The following LEPROTL1 variants were observed in gnomAD, a reference collection of about 807,000 sequenced individuals.
LEPROTL1 encodes leptin receptor overlapping transcript-like 1.
A neutral mutation model predicts 15.4 loss-of-function variants in LEPROTL1; 6 were observed. The observed-to-expected ratio is 0.39, with a 90% confidence interval of 0.21 to 0.77. The LOEUF (loss-of-function observed/expected upper bound fraction) is 0.77. Among genes scored for constraint, LEPROTL1 ranks in the 30% least tolerant of loss-of-function variants. The pLI is 0.41. For synonymous variants in LEPROTL1, 56 were observed against 52.6 expected (o/e 1.06, Z -0.28); for missense variants, 128 against 158.1 (o/e 0.81, Z 1.02).
intron 3 of LEPROTL1, 72 bp from the exon 4 acceptor site, chr8:30,105,674 G>A: frequency 6.0e-6 from 8 of 1,322,934 alleles, no homozygotes; most frequent in African/African-American, 1.5e-5. Context: ...GATACAACTA[G>A]AGCCTTGATT....
intron 3 of LEPROTL1, among the ~76,000 whole-genome samples, chr8:30,126,846 T>A (rs913822227): frequency 6.6e-5 from 10 of 152,186 alleles, no homozygotes; most frequent in African/African-American, 2.4e-4. Context: ...AAGACCATCC[T>A]GGCCATCATG....
chr8:30,135,854 C>T (rs906368109), intron 4 of LEPROTL1, among the ~76,000 whole-genome samples: 26 of 146,628 alleles, frequency 1.8e-4, no homozygotes, highest in African/African-American at 6.3e-4. Flanking sequence ...GTCGAGGCTG[C>T]AGTGAGCCAT....
chr8:30,115,356 TAA>T (rs58260284), intron 3 of LEPROTL1, among the ~76,000 whole-genome samples: 16 of 149,776 alleles, frequency 1.1e-4, no homozygotes, highest in South Asian at 4.2e-4. Context: ...GACCCCATCT[TAA>T]AAAAAAAAAT....
At chr8:30,099,468 G>T (rs1802425926) in intron 1 of LEPROTL1, among the ~76,000 whole-genome samples, 2 of 120,808 alleles carry the variant, frequency 1.7e-5, no homozygotes, top group Admixed American at 1.9e-4. Flanking sequence ...AGGCATGGTG[G>T]TGCACAGCTG....
rs1013593506 is a variant in LEPROTL1, at chr8:30,106,009, A to G, written c.*147A>G. The G allele has an allele frequency of 4.0e-5, 50 of 1,243,790 alleles. No homozygotes were observed. The East Asian group carries it at 1.5e-3, about 38-fold the overall frequency. 77.0% of individuals were successfully genotyped at this position (1,243,790 alleles called of 1,614,324 possible). On this transcript the variant is annotated 3_prime_UTR_variant, in exon 4 of 4. Transcript: ENST00000321250. ...CTCCCTTCTCACTTTTATTGTAAGC[A>G]TACTATTTTCACAGAGACTTGCTGA... is the stretch of plus-strand genomic sequence containing the variant.
chr8:30,109,702 A>G (rs1802627010), downstream of LEPROTL1, among the ~76,000 whole-genome samples: 1 of 152,026 alleles, frequency 6.6e-6, no homozygotes, highest in East Asian at 1.9e-4. Flanking sequence ...GGAAGAGTGG[A>G]AAGTGGTCAA....
chr8:30,118,986 G>A (rs1052273578), intron 3 of LEPROTL1, among the ~76,000 whole-genome samples: 1 of 152,088 alleles, frequency 6.6e-6, no homozygotes, highest in Admixed American at 6.6e-5. Flanking sequence ...GTCGGGCTGG[G>A]GGATGGTCAG....
At position 30,128,623 on chromosome 8, in the gene LEPROTL1, G is replaced by A. The variant is rs997876200; in HGVS notation, c.280-3752G>A. Among the ~76,000 whole-genome samples the A allele has an allele frequency of 1.9e-4, 29 of 152,044 alleles. 1 individual carries two copies. The highest frequency in any genetic ancestry group is 1.2e-3 in the Admixed American group (19 of 15,248). ...AAAAATTAGCCGGACATAGTTGTGC[G>A]TTCCTGTAGTCCCAGCTACTTGGGA... On this transcript the variant is annotated intron_variant, in intron 3 of 4. Coordinates refer to the LEPROTL1 transcript ENST00000442880.
chr8:30,104,273 T>C, intron 2 of LEPROTL1, 27 bp from the exon 3 acceptor site: 1 of 1,370,926 alleles, frequency 7.3e-7, no homozygotes, highest in Non-Finnish European at 9.8e-7. Flanking sequence ...TAGCAAAAAT[T>C]ACATTAACTT....
chr8:30,136,549 C>G (rs748798786), intron 4 of LEPROTL1, among the ~76,000 whole-genome samples: 2 of 152,138 alleles, frequency 1.3e-5, no homozygotes, highest in African/African-American at 2.4e-5. Context: ...CAGCCTGCCT[C>G]GCATCCAGCC....
chr8:30,096,980 T>A (rs1802376510), intron 1 of LEPROTL1, among the ~76,000 whole-genome samples: 1 of 152,222 alleles, frequency 6.6e-6, no homozygotes, highest in Non-Finnish European at 1.5e-5. Context: ...ACTCCCAGGT[T>A]AGAGAAGTGG....
chr8:30,122,806 T>C (rs1802849079), intron 3 of LEPROTL1, among the ~76,000 whole-genome samples: 1 of 152,154 alleles, frequency 6.6e-6, no homozygotes, highest in Admixed American at 6.5e-5. Flanking sequence ...AAAAAACTTT[T>C]GGGAGTTTAA....
downstream of LEPROTL1, chr8:30,108,660 G>C (rs898047788): frequency 8.1e-6 from 1 of 124,064 alleles, no homozygotes; most frequent in Admixed American, 8.2e-5. Context: ...TTTTTTTTTT[G>C]AGACTTGCTT....
At chr8:30,102,034 TA>T (rs895477270) in intron 2 of LEPROTL1, 61 bp downstream of exon 2, 6 of 1,056,844 alleles carry the variant, frequency 5.7e-6, no homozygotes, top group East Asian at 2.5e-5. Flanking sequence ...TTTTAAAGCT[TA>T]AAAAAATGTT....
chr8:30,128,822 G>A lies in LEPROTL1; in HGVS notation c.280-3553G>A, dbSNP rs928325919. Among the ~76,000 whole-genome samples, 9 of 148,840 alleles carry A rather than the reference G, an allele frequency of 6.0e-5. No homozygotes were observed. In the South Asian group the frequency reaches 8.4e-4, roughly 14 times the overall value. ...TGCACACATCTAAAGTGTACCTCTCGAAGGATTTTCATCAACTGCACACAC... is the reference window on the plus strand; with the variant it reads ...TGCACACATCTAAAGTGTACCTCTCAAAGGATTTTCATCAACTGCACACAC... On this transcript the variant is annotated intron_variant, in intron 3 of 4. Transcript: ENST00000442880.
intron 1 of LEPROTL1, among the ~76,000 whole-genome samples, chr8:30,098,309 A>AAT (rs1178645144): frequency 6.6e-6 from 1 of 152,192 alleles, no homozygotes; most frequent in East Asian, 1.9e-4. Context: ...CCTATTGAAA[A>AAT]ATATATATAA....
chr8:30,135,237 T>G (rs1803115707), intron 4 of LEPROTL1, among the ~76,000 whole-genome samples: 1 of 152,048 alleles, frequency 6.6e-6, no homozygotes, highest in Admixed American at 6.5e-5. Flanking sequence ...TTATTTAGGG[T>G]GACATCAGGC....
intron 3 of LEPROTL1, among the ~76,000 whole-genome samples, chr8:30,116,798 T>G (rs1326116290): frequency 6.6e-6 from 1 of 152,224 alleles, no homozygotes; most frequent in Non-Finnish European, 1.5e-5. Flanking sequence ...TTGGAACCTC[T>G]GATTTGTAGC....
chr8:30,130,413 C>T (rs975254387), intron 3 of LEPROTL1, among the ~76,000 whole-genome samples: 1 of 152,168 alleles, frequency 6.6e-6, no homozygotes, highest in African/African-American at 2.4e-5. Context: ...ATGGTAATTA[C>T]ATAACAGTAC....
Sources: gnomAD v4.1 joint callset for allele counts (sites outside exome capture counted in the v4.1 genomes callset) on GRCh38, gnomAD v4.1.1 for gene constraint, MANE v1.5 for transcripts, NCBI Gene and HGNC (gene_info 2026-07-23, HGNC 2026-07-21) for gene names.